Variants in MEP1A observed in about 807,000 individuals in gnomAD.
MEP1A encodes the protein N-benzoyl-L-tyrosyl-P-amino-benzoic acid hydrolase subunit alpha.
In MEP1A, 68 loss-of-function variants were observed where a neutral mutation model predicts 84.5. That is an observed-to-expected ratio of 0.80 (90% CI 0.66 to 0.98). The LOEUF is 0.98. MEP1A is among the 50% of genes least tolerant of loss of function. The pLI, the probability that MEP1A is intolerant of heterozygous loss-of-function variation, is 0.00. For synonymous variants in MEP1A, 337 were observed against 336.8 expected, an observed-to-expected ratio of 1.00 and a Z score of -0.01; for missense variants, 887 against 919.9, an observed-to-expected ratio of 0.96 and a Z score of 0.46.
In MEP1A at chr6:46,829,352, A is replaced by G. The variant is rs774116195; in HGVS notation, c.929-4A>G. 5 of 1,612,728 alleles carry G rather than the reference A, an allele frequency of 3.1e-6. No individual in the cohort carries two copies. The highest frequency in any genetic ancestry group is 3.3e-5 in the Admixed American group (2 of 60,024). On this transcript the variant is annotated splice_region_variant and splice_polypyrimidine_tract_variant and intron_variant, in intron 9 of 13. Transcript: ENST00000230588. ...CGTGTGATGTTTGGCTGCTCTTTCC[A>G]TAGGTGCCGGCTACTTCATGCAGTT...
intron 3 of MEP1A, among the ~76,000 whole-genome samples, chr6:46,795,349 C>T (rs994319983): frequency 6.6e-6 from 1 of 152,026 alleles, no homozygotes; most frequent in Non-Finnish European, 1.5e-5. Context: ...CACCCAGGCT[C>T]GAGTGCAGTG....
Position 46,825,340 on chromosome 6 carries a change from G to T in MEP1A, c.625G>T (p.Glu209Ter). The T allele has an allele frequency of 6.2e-7, 1 of 1,613,636 alleles. No homozygotes were observed. The highest frequency in any genetic ancestry group is 8.5e-7 in the Non-Finnish European group (1 of 1,179,764). Residue 209 changes from glutamate (E) to a stop codon, truncating the protein, a stop_gained, in exon 8 of 14, where the codon GAG becomes TAG. Coordinates refer to ENST00000230588, the MANE Select transcript of MEP1A (RefSeq NM_005588.3). LOFTEE classifies it high-confidence loss of function. ...AGACCTCAATACACCCTATGATTAT[G>T]AGTCTTTGATGCACTACCAGCCTTT... ...ITDLNTPYDY[E>*]SLMHYQPFSF...
At chr6:46,843,546 G>A (rs1202853263), downstream of MEP1A, among the ~76,000 whole-genome samples, 2 of 152,192 alleles carry the variant, frequency 1.3e-5, no homozygotes, top group African/African-American at 2.4e-5. Context: ...TTTTGCAACA[G>A]ATATTTTTCC....
rs183966732 is a variant in MEP1A, at chr6:46,824,365, A to G, written c.557-907A>G. On this transcript the variant is annotated intron_variant, in intron 7 of 13. Transcript: ENST00000230588. ...TCATTTCTAATATTTATTTAAATTT[A>G]CAATATGTATTTTATAGTTATTACA... is the stretch of plus-strand genomic sequence containing the variant. Among the ~76,000 whole-genome samples the G allele has an allele frequency of 9.7e-3, 1,451 of 149,250 alleles. 24 individuals are homozygous for G. Among genetic ancestry groups the G allele is most frequent in the African/African-American group, 0.034 (1,378 of 40,922 alleles).
downstream of MEP1A, among the ~76,000 whole-genome samples, chr6:46,844,455 T>A (rs1199888890): frequency 6.6e-6 from 1 of 152,154 alleles, no homozygotes; most frequent in Non-Finnish European, 1.5e-5. Flanking sequence ...AATCCCAGAA[T>A]GGATTGAGAC....
Position 46,829,424 on chromosome 6 carries a change from C to G in MEP1A, c.997C>G (p.Arg333Gly), listed in dbSNP as rs201186238. The stretch of plus-strand genomic sequence containing the variant: ...GGAAGAGGCAGCCCTACTGGAGTCT[C>G]GGATTCTTTACCCAAAGAGGAAGCA... ...SAEEAALLES[R>G]ILYPKRKQQC... Residue 333 changes from arginine (R) to glycine (G), a missense_variant, in exon 10 of 14, where the codon CGG becomes GGG. Physicochemically the swap from Arg to Gly is moderately radical, Grantham distance 125. Coordinates refer to ENST00000230588, the MANE Select transcript of MEP1A (RefSeq NM_005588.3). 463 of 1,614,102 alleles carry G rather than the reference C, an allele frequency of 2.9e-4. 5 individuals carry two copies. In the South Asian group the frequency reaches 4.6e-3, roughly 16 times the overall value.
chr6:46,824,036 CT>C (rs893835155), intron 7 of MEP1A, among the ~76,000 whole-genome samples: 6 of 152,224 alleles, frequency 3.9e-5, no homozygotes, highest in Admixed American at 3.3e-4. Flanking sequence ...AGCTGCTTAC[CT>C]TTCCCTCTGC....
At chr6:46,821,917 G>A (rs1767786522) in intron 7 of MEP1A, among the ~76,000 whole-genome samples, 1 of 152,138 alleles carries the variant, frequency 6.6e-6, no homozygotes, top group Admixed American at 6.5e-5. Context: ...ATCAACATAG[G>A]CAGTATTTTT....
chr6:46,835,246 A>G lies in MEP1A; in HGVS notation c.1784-3A>G, dbSNP rs775695754. 5 of 1,582,822 alleles carry G rather than the reference A, an allele frequency of 3.2e-6. No individual in the cohort carries two copies. The highest frequency in any genetic ancestry group is 3.4e-6 in the Non-Finnish European group (4 of 1,167,236). ...CTTCCTCATGACTCTCTATTTCCTG[A>G]AGATATCACCCACCTCAGCCAGACT... On this transcript the variant is annotated splice_polypyrimidine_tract_variant and splice_region_variant and intron_variant, in intron 12 of 13. Coordinates refer to ENST00000230588, the MANE Select transcript of MEP1A (RefSeq NM_005588.3).
In MEP1A at chr6:46,819,664, G is replaced by A; in HGVS notation, c.516G>A (p.Arg172=). ...ACCACGAGCAGTCAAGGACGGACCG[G>A]GATGATTATGTGAACATCTGGTGGG... ...GFYHEQSRTD[R]DDYVNIWWDQ... Residue 172 remains arginine, a synonymous_variant, in exon 7 of 14, where the codon CGG becomes CGA. Coordinates refer to ENST00000230588, the MANE Select transcript of MEP1A (RefSeq NM_005588.3). 6.2e-7 allele frequency: 1 copy of A among 1,614,034 alleles called. No homozygotes were observed. The highest frequency in any genetic ancestry group is 2.2e-5 in the East Asian group (1 of 44,892).
chr6:46,836,483 A>C (rs1023107395), intron 13 of MEP1A, among the ~76,000 whole-genome samples: 3 of 152,210 alleles, frequency 2.0e-5, no homozygotes, highest in Non-Finnish European at 4.4e-5. Context: ...ATGCAAAAAT[A>C]CTACAGAGGT....
At chr6:46,799,248 G>A (rs1767139355) in intron 5 of MEP1A, 67 bp downstream of exon 5, 4 of 1,082,172 alleles carry the variant, frequency 3.7e-6, no homozygotes. Flanking sequence ...GCCTGTCCAT[G>A]GGCTTCACAT....
intron 3 of MEP1A, among the ~76,000 whole-genome samples, chr6:46,797,935 C>CTTCCTTCCTTCCTTCT (rs1767101566): frequency 9.7e-5 from 2 of 20,552 alleles, no homozygotes; most frequent in East Asian, 1.3e-3. Context: ...TCCTTCTTTC[C>CTTCCTTCCTTCCTTCT]TTCCTTCCTT....
chr6:46,816,305 G>A (rs1369982203), intron 6 of MEP1A, among the ~76,000 whole-genome samples: 1 of 152,266 alleles, frequency 6.6e-6, no homozygotes, highest in African/African-American at 2.4e-5. Flanking sequence ...ATTCCAGGAA[G>A]TGTGCTAGAC....
intron 13 of MEP1A, among the ~76,000 whole-genome samples, chr6:46,837,803 C>T (rs150114373): frequency 0.016 from 2,414 of 152,132 alleles, 58 homozygotes; most frequent in African/African-American, 0.042. Flanking sequence ...TGCTATTACT[C>T]ACTGATTTCT....
At chr6:46,833,813 C>T (rs1272087008) in intron 11 of MEP1A, among the ~76,000 whole-genome samples, 1 of 152,084 alleles carries the variant, frequency 6.6e-6, no homozygotes, top group East Asian at 1.9e-4. Flanking sequence ...TGATCCCTGC[C>T]TCACTGAGCT....
In MEP1A at chr6:46,826,461, C is replaced by T. The variant is rs1244303505; in HGVS notation, c.886C>T (p.Gln296Ter). The change falls in exon 9 of 14, where the codon CAG (glutamine) becomes TAG (stop). Residue 296 changes from glutamine (Q) to a stop codon, truncating the protein, a stop_gained. Coordinates refer to ENST00000230588, the MANE Select transcript of MEP1A (RefSeq NM_005588.3). LOFTEE classifies it high-confidence loss of function. ...TGACTGGGCCCATCAGGACAGTGCTCAGGCTGGAGAAGTGGATCACACCTT... is the reference window on the plus strand; with the variant it reads ...TGACTGGGCCCATCAGGACAGTGCTTAGGCTGGAGAAGTGGATCACACCTT... ...DTDWAHQDSAQAGEVDHTLLG... is the reference protein window; with the variant it reads ...DTDWAHQDSA The T allele has an allele frequency of 1.9e-6, 3 of 1,602,266 alleles. No individual in the cohort carries two copies. Among genetic ancestry groups the T allele is most frequent in the Non-Finnish European group, 2.6e-6 (3 of 1,174,280 alleles).
chr6:46,816,006 G>A (rs572020275), intron 6 of MEP1A, among the ~76,000 whole-genome samples: 44 of 151,968 alleles, frequency 2.9e-4, no homozygotes, highest in South Asian at 1.3e-3. Flanking sequence ...GCATGATCTC[G>A]GCTCACTGGA....
intron 12 of MEP1A, 64 bp from the exon 13 acceptor site, chr6:46,835,185 G>T: frequency 1.4e-6 from 2 of 1,406,228 alleles, no homozygotes; most frequent in Non-Finnish European, 1.9e-6. Flanking sequence ...TTCACCAGAA[G>T]TGGGAGTTAA....
Sources: allele counts gnomAD v4.1 joint callset (sites outside exome capture counted in the v4.1 genomes callset), GRCh38; gene constraint gnomAD v4.1.1; transcripts MANE v1.5; gene names NCBI Gene and HGNC (gene_info 2026-07-23, HGNC 2026-07-21).